The following COL1A2 variants were observed in gnomAD, a reference collection of about 807,000 sequenced individuals.
COL1A2 encodes the protein collagen alpha-2(I) chain.
Under a neutral mutation model 174.3 loss-of-function variants are expected in COL1A2, and 49 were observed. That is an observed-to-expected ratio of 0.28 (90% CI 0.22 to 0.36). COL1A2 has a LOEUF of 0.36. COL1A2 is among the 10% of genes least tolerant of loss of function. The pLI, the probability that COL1A2 is intolerant of heterozygous loss-of-function variation, is 1.00. For synonymous variants in COL1A2, 655 were observed against 606.6 expected, an observed-to-expected ratio of 1.08 and a Z score of -1.17; for missense variants, 1,438 against 1,822.7, an observed-to-expected ratio of 0.79 and a Z score of 3.84.
intron 30 of COL1A2, among the ~76,000 whole-genome samples, chr7:94,415,738 A>T (rs1218493235): frequency 6.6e-6 from 1 of 152,178 alleles, no homozygotes; most frequent in African/African-American, 2.4e-5. Flanking sequence ...GTATTCCATC[A>T]TGTCACTAGT....
chr7:94,409,801 A>G lies in COL1A2; in HGVS notation c.1015A>G (p.Thr339Ala), dbSNP rs374718116. Residue 339 changes from threonine (T) to alanine (A), a missense_variant, in exon 19 of 52, where the codon ACT (threonine) becomes GCT (alanine). Physicochemically the swap from Thr to Ala is moderately conservative, Grantham distance 58. Coordinates refer to ENST00000297268, the MANE Select transcript of COL1A2 (RefSeq NM_000089.4). ...IPGPVGAAGA[T>A]GARGLVGEPG... ...TGGCCCTGTTGGTGCTGCCGGTGCT[A>G]CTGGTGCCAGAGGACTTGTTGTAAG... is the stretch of plus-strand genomic sequence containing the variant. 4 of 1,613,966 alleles carry G rather than the reference A, an allele frequency of 2.5e-6. No individual in the cohort carries two copies. Among genetic ancestry groups the G allele is most frequent in the Non-Finnish European group, 3.4e-6 (4 of 1,180,030 alleles).
chr7:94,426,558 T>A, intron 46 of COL1A2, 28 bp downstream of exon 46: 1 of 1,542,888 alleles, frequency 6.5e-7, no homozygotes, highest in Non-Finnish European at 8.9e-7. Flanking sequence ...ATCTCGCACA[T>A]AAACTGATCC....
Position 94,425,864 on chromosome 7 carries a change from T to G in COL1A2, c.2943+7T>G. 1 of 1,608,618 alleles carries G rather than the reference T, an allele frequency of 6.2e-7. No homozygotes were observed. The highest frequency in any genetic ancestry group is 1.7e-4 in the Middle Eastern group (1 of 6,060). On this transcript the variant is annotated splice_region_variant and intron_variant, in intron 44 of 51. Transcript: ENST00000297268. ...TGGAAACCGTGGTGAAACTGTAAGT[T>G]TGTGAATACCAGTCCCTCAGTGCAG...
intron 5 of COL1A2, among the ~76,000 whole-genome samples, chr7:94,401,330 G>A (rs889266899): frequency 1.3e-5 from 2 of 152,200 alleles, no homozygotes; most frequent in Non-Finnish European, 2.9e-5. Flanking sequence ...AAAAAGTAAA[G>A]TAGGGAAGTT....
chr7:94,425,106 T>C lies in COL1A2; in HGVS notation c.2674-11T>C. On this transcript the variant is annotated splice_polypyrimidine_tract_variant and intron_variant, in intron 41 of 51. Coordinates refer to ENST00000297268, the MANE Select transcript of COL1A2 (RefSeq NM_000089.4). The stretch of plus-strand genomic sequence containing the variant: ...AAGGGGAATGTCATTTTATCTTCTC[T>C]GCCTGTTTAGGGTGAACCTGGTCCT... 6.2e-7 allele frequency: 1 copy of C among 1,612,648 alleles called. No homozygotes were observed. Among genetic ancestry groups the C allele is most frequent in the East Asian group, 2.2e-5 (1 of 44,862 alleles).
chr7:94,417,572 T>A lies in COL1A2; in HGVS notation c.1864-152T>A, dbSNP rs1792068154. On this transcript the variant is annotated intron_variant, in intron 31 of 51. Coordinates refer to ENST00000297268, the MANE Select transcript of COL1A2 (RefSeq NM_000089.4). ...TTAACAGCATCTCTCTCTGCTATAT[T>A]CTCCCTCCTTTCAATAGCCCAGCCT... 5 of 685,870 alleles carry A rather than the reference T, an allele frequency of 7.3e-6. No individual in the cohort carries two copies. The South Asian group carries it at 7.9e-5, about 11-fold the overall frequency. 42.5% of individuals were successfully genotyped at this position (685,870 alleles called of 1,614,324 possible). A position where few individuals can be genotyped will look rare whatever the true frequency, so the allele number is the denominator to read the frequency against.
At chr7:94,419,453 G>A (rs1263887047) in intron 33 of COL1A2, 45 bp from the exon 34 acceptor site, 4 of 1,598,080 alleles carry the variant, frequency 2.5e-6, no homozygotes, top group Non-Finnish European at 3.4e-6. Flanking sequence ...CACTTTTGAT[G>A]ATACGGGGTG....
chr7:94,420,536 A>C lies in COL1A2; in HGVS notation c.2188-5A>C. The C allele has an allele frequency of 6.2e-7, 1 of 1,614,122 alleles. No homozygotes were observed. Among genetic ancestry groups the C allele is most frequent in the Non-Finnish European group, 8.5e-7 (1 of 1,180,014 alleles). Reference sequence around the variant, plus strand: ...ACCAGAGCTGTAACTGTTTATTTCCAACAGGGTGCTGCTGGTCAACCTGGT... The same window carrying C: ...ACCAGAGCTGTAACTGTTTATTTCCCACAGGGTGCTGCTGGTCAACCTGGT... On this transcript the variant is annotated splice_polypyrimidine_tract_variant and splice_region_variant and intron_variant, in intron 36 of 51. Coordinates refer to ENST00000297268, the MANE Select transcript of COL1A2 (RefSeq NM_000089.4).
At chr7:94,423,679 C>G (rs1017621968) in intron 40 of COL1A2, 2 of 163,764 alleles carry the variant, frequency 1.2e-5, no homozygotes, top group African/African-American at 4.8e-5. Context: ...ACTGCGACTT[C>G]CGCCTCCCCA....
rs1792072241 is a variant in COL1A2, at chr7:94,417,763, C to T, written c.1903C>T (p.Pro635Ser). The T allele has an allele frequency of 6.2e-7, 1 of 1,603,316 alleles. No individual in the cohort carries two copies. ...GGTTGGTGCTGTGGGCACTGCTGGT[C>T]CATCTGGTCCTAGTGGACTCCCAGG... ...GVVGAVGTAG[P>S]SGPSGLPGER... The change falls in exon 32 of 52, where the codon CCA becomes TCA. Residue 635 changes from proline (P) to serine (S), a missense_variant. Transcript: ENST00000297268.
intron 41 of COL1A2, 56 bp downstream of exon 41, chr7:94,424,499 G>T: frequency 6.8e-7 from 1 of 1,479,334 alleles, no homozygotes; most frequent in Non-Finnish European, 9.5e-7. Flanking sequence ...TTTAAAAGCT[G>T]CCACTTCAAA....
intron 6 of COL1A2, 32 bp from the exon 7 acceptor site, chr7:94,404,523 TG>T: frequency 6.2e-7 from 1 of 1,611,344 alleles, no homozygotes; most frequent in Non-Finnish European, 8.5e-7. Context: ...AACTTATCAG[TG>T]CTAACTGTTG....
chr7:94,409,302 G>A lies in COL1A2; in HGVS notation c.793-20G>A. 3 of 1,605,616 alleles carry A rather than the reference G, an allele frequency of 1.9e-6. No homozygotes were observed. The highest frequency in any genetic ancestry group is 2.6e-6 in the Non-Finnish European group (3 of 1,172,372). ...TTCATTATTTGCTGGTTAATTCCTT[G>A]GTTTAATTTCCTCTTTTAGGGTGAA... On this transcript the variant is annotated intron_variant, in intron 16 of 51. Transcript: ENST00000297268.
In COL1A2 at chr7:94,424,366, C is replaced by G. The variant is rs538945650; in HGVS notation, c.2596C>G (p.Leu866Val). The change falls in exon 41 of 52, where the codon CTT becomes GTT. Residue 866 changes from leucine (L) to valine (V), a missense_variant. Physicochemically the swap from Leu to Val is conservative, Grantham distance 32. This residue lies in a region of COL1A2 where 867 missense variants were observed against 1,213.7 expected (regional missense o/e 0.71). Transcript: ENST00000297268. Reference protein sequence around the residue: ...GPPGTPGPQGLLGAPGILGLP... With the variant: ...GPPGTPGPQGVLGAPGILGLP... ...TCCTGGCACTCCAGGTCCTCAGGGT[C>G]TTCTTGGTGCTCCTGGTATTCTGGG... The G allele has an allele frequency of 6.2e-7, 1 of 1,614,098 alleles. No homozygotes were observed. The highest frequency in any genetic ancestry group is 8.5e-7 in the Non-Finnish European group (1 of 1,180,010).
chr7:94,395,779 A>C (rs2115845172), intron 1 of COL1A2, among the ~76,000 whole-genome samples: 1 of 152,326 alleles, frequency 6.6e-6, no homozygotes, highest in African/African-American at 2.4e-5. Context: ...GGAAAGAAGA[A>C]TGGATGCTAC....
Position 94,431,036 on chromosome 7 carries a change from T to G in COL1A2, c.*643T>G, listed in dbSNP as rs1792391613. ...TATTCCCAATTAAAAGTATGCAGATTATTTGCCCAAATCTTCTTCAGATTC... is the reference window on the plus strand; with the variant it reads ...TATTCCCAATTAAAAGTATGCAGATGATTTGCCCAAATCTTCTTCAGATTC... On this transcript the variant is annotated 3_prime_UTR_variant, in exon 52 of 52. Transcript: ENST00000297268. 1.3e-5 allele frequency: 1 copy of G among 76,896 alleles called. No individual in the cohort carries two copies. The highest frequency in any genetic ancestry group is 5.6e-4 in the South Asian group (1 of 1,798). The allele number at this position is 76,896 out of a possible 1,614,324, so 4.8% of individuals were successfully genotyped here.
intron 20 of COL1A2, 36 bp from the exon 21 acceptor site, chr7:94,410,384 T>C (rs1791897091): frequency 1.3e-6 from 2 of 1,566,182 alleles, no homozygotes; most frequent in Non-Finnish European, 1.7e-6. Context: ...AAATTATTTT[T>C]TTACTCCCTC....
At chr7:94,405,286 A>G (rs2115877592) in intron 10 of COL1A2, 34 bp downstream of exon 10, 3 of 1,592,988 alleles carry the variant, frequency 1.9e-6, no homozygotes, top group East Asian at 2.2e-5. Flanking sequence ...TAGCACAAAC[A>G]TCATAGGCCT....
intron 45 of COL1A2, 112 bp downstream of exon 45, chr7:94,426,163 A>C (rs1792274062): frequency 9.5e-7 from 1 of 1,055,092 alleles, no homozygotes; most frequent in Non-Finnish European, 1.5e-6. Context: ...TTTTTTAAAA[A>C]TTTCAGTCCA....
Sources: gnomAD v4.1 joint callset for allele counts (sites outside exome capture counted in the v4.1 genomes callset) on GRCh38, gnomAD v4.1.1 for gene constraint, gnomAD v4.1.1 regional missense constraint, MANE v1.5 for transcripts, NCBI Gene and HGNC (gene_info 2026-07-23, HGNC 2026-07-21) for gene names.